CAP2: variants seen among roughly 807,000 people sequenced by gnomAD.
CAP2 encodes the protein cyclase associated actin cytoskeleton regulatory protein 2.
Under a neutral mutation model 57.7 loss-of-function variants are expected in CAP2, and 24 were observed. The ratio of observed to expected loss-of-function variants is 0.42; its 90% CI spans 0.30 to 0.58. The LOEUF (loss-of-function observed/expected upper bound fraction) is 0.58, where lower values mean the gene tolerates loss of function less well. CAP2 is among the 20% of genes least tolerant of loss of function. The pLI, the probability that CAP2 is intolerant of heterozygous loss-of-function variation, is 0.22. For missense variants in CAP2, 501 were observed against 590.3 expected (o/e 0.85, Z 1.57); for synonymous variants, 194 against 207.2 (o/e 0.94, Z 0.55).
intron 4 of CAP2, among the ~76,000 whole-genome samples, chr6:17,476,565 C>CA (rs1268147445): frequency 6.6e-6 from 1 of 152,156 alleles, no homozygotes; most frequent in Non-Finnish European, 1.5e-5. Context: ...AAGTAACAAT[C>CA]AAAGAATCAC....
chr6:17,493,502 C>G (rs968335425), intron 4 of CAP2: 10 of 245,980 alleles, frequency 4.1e-5, no homozygotes, highest in Non-Finnish European at 7.8e-5. Flanking sequence ...TGCTGCTGGC[C>G]AGAGTGAATG....
chr6:17,417,698 G>T (rs540377507), intron 1 of CAP2, among the ~76,000 whole-genome samples: 1 of 152,234 alleles, frequency 6.6e-6, no homozygotes, highest in South Asian at 2.1e-4. Flanking sequence ...CTTGCCATCG[G>T]CTTCTACTTA....
chr6:17,443,484 T>G (rs2067043672), intron 3 of CAP2, among the ~76,000 whole-genome samples: 1 of 152,186 alleles, frequency 6.6e-6, no homozygotes, highest in Non-Finnish European at 1.5e-5. Flanking sequence ...AGCAATACTT[T>G]TGTACAAAAG....
chr6:17,404,875 T>C (rs116580278), intron 1 of CAP2, among the ~76,000 whole-genome samples: 1,995 of 152,330 alleles, frequency 0.013, 24 homozygotes, highest in Non-Finnish European at 0.021. Flanking sequence ...AGTTATATCT[T>C]TACTTTATTC....
At chr6:17,405,051 T>G (rs6925220) in intron 1 of CAP2, among the ~76,000 whole-genome samples, 56,112 of 151,864 alleles carry the variant, frequency 0.37, 11,905 homozygotes, top group African/African-American at 0.59. Context: ...ATCCTACATA[T>G]ACCACGTTTT....
intron 3 of CAP2, among the ~76,000 whole-genome samples, chr6:17,433,635 G>A (rs112972413): frequency 1.2e-4 from 18 of 152,316 alleles, no homozygotes; most frequent in South Asian, 4.1e-4. Flanking sequence ...TTGCACTGGC[G>A]TGGGCTCGGC....
intron 3 of CAP2, among the ~76,000 whole-genome samples, chr6:17,443,953 A>G (rs1435194909): frequency 6.6e-6 from 1 of 152,186 alleles, no homozygotes; most frequent in African/African-American, 2.4e-5. Context: ...GAGAACTCAC[A>G]TGTGTTTGCA....
intron 4 of CAP2, among the ~76,000 whole-genome samples, chr6:17,495,939 C>G (rs964454): frequency 0.45 from 66,467 of 146,388 alleles, 15,029 homozygotes; most frequent in Admixed American, 0.55. Flanking sequence ...GGACAGAATC[C>G]CAGTGCAGTG....
At chr6:17,505,238 T>C (rs1387199521) in intron 4 of CAP2, among the ~76,000 whole-genome samples, 1 of 152,210 alleles carries the variant, frequency 6.6e-6, no homozygotes, top group African/African-American at 2.4e-5. Context: ...ACCAAGGCCA[T>C]TCTAATTCCA....
chr6:17,547,886 G>A (rs937558215), intron 11 of CAP2, among the ~76,000 whole-genome samples: 1 of 150,766 alleles, frequency 6.6e-6, no homozygotes, highest in Non-Finnish European at 1.5e-5. Context: ...GATAATGATT[G>A]AGAGAGATAA....
chr6:17,484,453 A>G (rs1561800325), intron 4 of CAP2, among the ~76,000 whole-genome samples: 3 of 152,162 alleles, frequency 2.0e-5, no homozygotes. Flanking sequence ...GGGTAATGTG[A>G]TATGGCTCAC....
intron 4 of CAP2, among the ~76,000 whole-genome samples, chr6:17,496,487 T>C (rs1300088556): frequency 2.0e-5 from 3 of 152,042 alleles, no homozygotes; most frequent in East Asian, 1.9e-4. Flanking sequence ...TTTTGTTTTT[T>C]TTTCTTTCTT....
At chr6:17,403,580 A>T (rs1758871479) in intron 1 of CAP2, among the ~76,000 whole-genome samples, 1 of 152,244 alleles carries the variant, frequency 6.6e-6, no homozygotes, top group African/African-American at 2.4e-5. Flanking sequence ...AATAGTAACA[A>T]TGGTATCAGA....
At position 17,527,156 on chromosome 6, in the gene CAP2, T is replaced by G. The variant is rs1226895063; in HGVS notation, c.637-12113T>G. On this transcript the variant is annotated intron_variant, in intron 7 of 12. Coordinates refer to ENST00000229922, the MANE Select transcript of CAP2 (RefSeq NM_006366.3). ...TCTACTATCTACTAAGTATAGATAA[T>G]TGGAGAAAGTACAGTCGTTTCTGTA... is the stretch of plus-strand genomic sequence containing the variant. 2.0e-5 allele frequency among the ~76,000 whole-genome samples: 3 copies of G among 152,128 alleles called. No individual in the cohort carries two copies. In the South Asian group the frequency reaches 6.2e-4, roughly 32 times the overall value.
intron 11 of CAP2, among the ~76,000 whole-genome samples, chr6:17,544,917 A>G (rs973476046): frequency 4.6e-5 from 7 of 152,108 alleles, no homozygotes; most frequent in African/African-American, 1.4e-4. Flanking sequence ...TCTCCAAACT[A>G]TTACGCATGC....
At chr6:17,556,219 G>C (rs551703513) in intron 12 of CAP2, 140 bp from the exon 13 acceptor site, 2 of 640,192 alleles carry the variant, frequency 3.1e-6, no homozygotes, top group East Asian at 2.7e-5. Flanking sequence ...ACCTCCCCAT[G>C]ACGCAGCTTG....
At position 17,539,390 on chromosome 6, in the gene CAP2, AAG is replaced by A. The variant is rs1762847379; in HGVS notation, c.761_762del (p.Glu254GlyfsTer14). On this transcript the variant is annotated frameshift_variant, in exon 8 of 13. Coordinates refer to ENST00000229922, the MANE Select transcript of CAP2 (RefSeq NM_006366.3). LOFTEE classifies it high-confidence loss of function. ...CCACTTTTCGAGAATGAAGGCAAAA[AAG>A]AGGAATCTTCTCCTTCACGCTCAGC... The A allele has an allele frequency of 1.2e-6, 2 of 1,614,148 alleles. No homozygotes were observed. The highest frequency in any genetic ancestry group is 1.7e-6 in the Non-Finnish European group (2 of 1,180,030).
chr6:17,428,237 G>A (rs1180069288), intron 3 of CAP2, among the ~76,000 whole-genome samples: 1 of 152,142 alleles, frequency 6.6e-6, no homozygotes, highest in African/African-American at 2.4e-5. Flanking sequence ...AGGTACCTAA[G>A]CTAGCCTGCC....
intron 3 of CAP2, among the ~76,000 whole-genome samples, chr6:17,462,035 A>G (rs560700345): frequency 3.3e-5 from 5 of 150,700 alleles, no homozygotes; most frequent in African/African-American, 9.7e-5. Flanking sequence ...TAACATAACA[A>G]AAAAAGAAAA....
Sources: allele counts gnomAD v4.1 joint callset (sites outside exome capture counted in the v4.1 genomes callset), GRCh38; gene constraint gnomAD v4.1.1; transcripts MANE v1.5; gene names NCBI Gene and HGNC (gene_info 2026-07-23, HGNC 2026-07-21).